XIRP2: variants seen among roughly 807,000 people sequenced by gnomAD.
XIRP2 encodes the protein xin actin-binding repeat-containing protein 2.
Under a neutral mutation model 277.0 loss-of-function variants are expected in XIRP2, and 236 were observed. The observed-to-expected ratio is 0.85, with a 90% confidence interval of 0.77 to 0.95. The LOEUF (loss-of-function observed/expected upper bound fraction) is 0.95, where lower values mean the gene tolerates loss of function less well. Among genes scored for constraint, XIRP2 ranks in the 40% least tolerant of loss-of-function variants. The probability of loss-of-function intolerance (pLI) is 0.00; values close to 1 mark genes in which losing one functional copy is unlikely to be tolerated. For missense variants in XIRP2, 4,640 were observed against 4,157.5 expected (o/e 1.12, Z -3.19); for synonymous variants, 1,490 against 1,416.5 (o/e 1.05, Z -1.17).
At chr2:166,938,831 C>A (rs547472602) in intron 2 of XIRP2, among the ~76,000 whole-genome samples, 1 of 152,250 alleles carries the variant, frequency 6.6e-6, no homozygotes, top group East Asian at 1.9e-4. Context: ...GAATGGATCC[C>A]TTTACCATTA....
rs187795950 is a variant in XIRP2 at position 167,087,762 on chromosome 2, C to T, written c.409-48147C>T. Among the ~76,000 whole-genome samples, 717 of 151,780 alleles carry T rather than the reference C, an allele frequency of 4.7e-3. 8 individuals are homozygous for T. Among genetic ancestry groups the T allele is most frequent in the South Asian group, 0.024 (117 of 4,834 alleles). On this transcript the variant is annotated intron_variant, in intron 2 of 10. Coordinates refer to ENST00000409195, the MANE Select transcript of XIRP2 (RefSeq NM_152381.6). Reference sequence around the variant, plus strand: ...GGAAAGGGAACTCCCTGACCCCTTGCGCTTCCCAAGTGAGGCAATGCCTCG... The same window carrying T: ...GGAAAGGGAACTCCCTGACCCCTTGTGCTTCCCAAGTGAGGCAATGCCTCG...
In XIRP2 at chr2:167,247,638, A is replaced by G; in HGVS notation, c.6246A>G (p.Gln2082=). ...TTAGAGATGAATATATGAGCAGACA[A>G]TTAACTTCAACTGTGTCAGTTAAGA... The part of the protein sequence containing the change: ...QHLRDEYMSR[Q]LTSTVSVKNN... Residue 2082 remains glutamine, a synonymous_variant, in exon 9 of 11, where the codon CAA becomes CAG. Coordinates refer to ENST00000409195, the MANE Select transcript of XIRP2 (RefSeq NM_152381.6). 6.2e-7 allele frequency: 1 copy of G among 1,613,690 alleles called. No homozygotes were observed. The highest frequency in any genetic ancestry group is 8.5e-7 in the Non-Finnish European group (1 of 1,179,766).
chr2:166,925,691 A>G (rs140665760), intron 2 of XIRP2, among the ~76,000 whole-genome samples: 133 of 149,972 alleles, frequency 8.9e-4, no homozygotes, highest in African/African-American at 3.0e-3. Flanking sequence ...ATTATATCAC[A>G]ATTTATCTTA....
Position 167,245,173 on chromosome 2 carries a change from GT to G in XIRP2, c.3783del (p.Lys1262ArgfsTer3), listed in dbSNP as rs1695210443. 6.2e-7 allele frequency: 1 copy of G among 1,613,526 alleles called. No individual in the cohort carries two copies. Reference sequence around the variant, plus strand: ...AGAAAGCCAAGAAGGTGATGAATGTGTTAAGACGGTGACAGACATACAAGGT... The same window carrying G: ...AGAAAGCCAAGAAGGTGATGAATGTGTAAGACGGTGACAGACATACAAGGT... The part of the protein sequence containing the change: ...IKESQEGDEC[V>X]KTVTDIQGGD... On this transcript the variant is annotated frameshift_variant, in exon 9 of 11. Coordinates refer to ENST00000409195, the MANE Select transcript of XIRP2 (RefSeq NM_152381.6). LOFTEE classifies it high-confidence loss of function.
chr2:167,097,547 A>G (rs1348534888), intron 2 of XIRP2, among the ~76,000 whole-genome samples: 1 of 152,110 alleles, frequency 6.6e-6, no homozygotes, highest in South Asian at 2.1e-4. Context: ...CATTTAACCC[A>G]TTTACACTTA....
intron 2 of XIRP2, among the ~76,000 whole-genome samples, chr2:167,012,714 T>C (rs1033734929): frequency 2.6e-5 from 4 of 151,436 alleles, no homozygotes; most frequent in Non-Finnish European, 5.9e-5. Flanking sequence ...CTTTCTTCAT[T>C]GAAATCATAT....
At chr2:167,127,045 A>G (rs776430863) in intron 2 of XIRP2, among the ~76,000 whole-genome samples, 2 of 152,172 alleles carry the variant, frequency 1.3e-5, no homozygotes, top group Non-Finnish European at 2.9e-5. Flanking sequence ...TTCCTAAGCC[A>G]ACTCTCTTCT....
intron 4 of XIRP2, among the ~76,000 whole-genome samples, chr2:167,214,961 ATCCGG>A (rs1694200334): frequency 6.6e-6 from 1 of 152,212 alleles, no homozygotes; most frequent in South Asian, 2.1e-4. Context: ...CCAGGAGAGC[ATCCGG>A]TCATAAGCAT....
chr2:167,010,637 T>G lies in XIRP2; in HGVS notation c.408+106747T>G, dbSNP rs571626634. ...CATTGGTAGCTTGATGTGGATGGCA[T>G]TGAATCTATAAATTACCTTGGGCAG... On this transcript the variant is annotated intron_variant, in intron 2 of 10. Coordinates refer to ENST00000409195, the MANE Select transcript of XIRP2 (RefSeq NM_152381.6). 2.4e-3 allele frequency among the ~76,000 whole-genome samples: 358 copies of G among 152,300 alleles called. 4 individuals are homozygous for G. The highest frequency in any genetic ancestry group is 8.0e-3 in the African/African-American group (331 of 41,572).
intron 3 of XIRP2, among the ~76,000 whole-genome samples, chr2:167,207,146 G>A (rs184297128): frequency 1.3e-5 from 2 of 152,254 alleles, no homozygotes; most frequent in Admixed American, 1.3e-4. Flanking sequence ...AATAGGAAAT[G>A]AGGATAGATT....
chr2:167,156,779 T>C (rs1429297445), intron 3 of XIRP2, among the ~76,000 whole-genome samples: 2 of 152,172 alleles, frequency 1.3e-5, no homozygotes, highest in East Asian at 3.8e-4. Context: ...TTAAAAATGA[T>C]CAAGGCTTGA....
chr2:167,243,845 A>G lies in XIRP2; in HGVS notation c.2453A>G (p.Glu818Gly), dbSNP rs368013795. Reference sequence around the variant, plus strand: ...TGGTTATTTGAAACCCAACCTTTGGAGAAAATCAAAGAGTCAGAAGAGGTC... The same window carrying G: ...TGGTTATTTGAAACCCAACCTTTGGGGAAAATCAAAGAGTCAGAAGAGGTC... ...AKWLFETQPL[E>G]KIKESEEVII... The change falls in exon 9 of 11, where the codon GAG (glutamate) becomes GGG (glycine). Residue 818 changes from glutamate to glycine, a missense_variant. By Grantham distance (98) the Glu-to-Gly change is moderately conservative (BLOSUM62 -2). Coordinates refer to ENST00000409195, the MANE Select transcript of XIRP2 (RefSeq NM_152381.6). 47 of 1,613,874 alleles carry G rather than the reference A, an allele frequency of 2.9e-5. No homozygotes were observed. The highest frequency in any genetic ancestry group is 3.9e-5 in the Non-Finnish European group (46 of 1,179,948).
intron 10 of XIRP2, among the ~76,000 whole-genome samples, chr2:167,254,540 G>T (rs1695606476): frequency 6.6e-6 from 1 of 151,810 alleles, no homozygotes; most frequent in African/African-American, 2.4e-5. Flanking sequence ...GGCTTTGCAG[G>T]CCGTACTGCT....
chr2:166,940,105 T>C (rs1209292858), intron 2 of XIRP2, among the ~76,000 whole-genome samples: 1 of 152,226 alleles, frequency 6.6e-6, no homozygotes, highest in East Asian at 1.9e-4. Context: ...AGATTTTTTC[T>C]TTCACCTAAT....
At chr2:167,071,526 T>C (rs966731436) in intron 2 of XIRP2, among the ~76,000 whole-genome samples, 4 of 152,180 alleles carry the variant, frequency 2.6e-5, no homozygotes, top group African/African-American at 9.7e-5. Context: ...AGCAAACTCG[T>C]AGGAGAAGGT....
intron 2 of XIRP2, among the ~76,000 whole-genome samples, chr2:166,988,681 T>C (rs1200936613): frequency 2.8e-5 from 3 of 106,962 alleles, no homozygotes; most frequent in African/African-American, 1.2e-4. Context: ...GAGTTCCCTT[T>C]CCGAGTCAAA....
chr2:167,143,288 G>A (rs1259508453), intron 3 of XIRP2, among the ~76,000 whole-genome samples: 1 of 152,154 alleles, frequency 6.6e-6, no homozygotes, highest in African/African-American at 2.4e-5. Flanking sequence ...GAGATGAACA[G>A]TGCTACAGTA....
At position 167,068,843 on chromosome 2, in the gene XIRP2, A is replaced by AT. The variant is rs201740886; in HGVS notation, c.409-67057dup. On this transcript the variant is annotated intron_variant, in intron 2 of 10. Coordinates refer to ENST00000409195, the MANE Select transcript of XIRP2 (RefSeq NM_152381.6). ...TAAATGTTATAAGATGTGTCTTGCA[A>AT]TTTTTTTTTAGCTCATCAGCTATCA... Among the ~76,000 whole-genome samples the AT allele has an allele frequency of 2.1e-3, 322 of 151,356 alleles. 3 individuals carry two copies. Among genetic ancestry groups the AT allele is most frequent in the African/African-American group, 5.8e-3 (238 of 41,308 alleles).
chr2:167,104,501 C>T (rs1574258724), intron 2 of XIRP2, among the ~76,000 whole-genome samples: 1 of 152,022 alleles, frequency 6.6e-6, no homozygotes, highest in South Asian at 2.1e-4. Flanking sequence ...AAATTTTTAT[C>T]TAAAATAAAA....
Sources: gnomAD v4.1 joint callset for allele counts (sites outside exome capture counted in the v4.1 genomes callset) on GRCh38, gnomAD v4.1.1 for gene constraint, MANE v1.5 for transcripts, NCBI Gene and HGNC (gene_info 2026-07-23, HGNC 2026-07-21) for gene names.